The following NUDCD2 variants were observed in gnomAD, a reference collection of about 807,000 sequenced individuals.
NUDCD2 encodes the protein nudC domain-containing protein 2.
NUDCD2 carries 16 observed loss-of-function variants against 20.8 expected under a neutral mutation model. That is an observed-to-expected ratio of 0.77 (90% CI 0.52 to 1.17). The LOEUF is 1.17. Ranked by LOEUF, NUDCD2 falls within the 50% of genes most tolerant of loss-of-function variation. The pLI is 0.00. For missense variants in NUDCD2, 199 were observed against 193.9 expected (o/e 1.03, Z -0.16); for synonymous variants, 87 against 72.8 (o/e 1.20, Z -1.00).
chr5:163,457,978 T>A (rs34450007), intron 1 of NUDCD2, among the ~76,000 whole-genome samples: 2 of 109,560 alleles, frequency 1.8e-5, no homozygotes, highest in South Asian at 6.3e-4. Flanking sequence ...AAAAATGTTG[T>A]CTTTTTTTTT....
Position 163,452,770 on chromosome 5 carries a change from T to A in NUDCD2, c.*1197A>T, listed in dbSNP as rs1431703469. ...AAGATGAATAACCTCAATCTAATCA[T>A]GAAGTATCAGACAGAACTCAAAATA... is the stretch of plus-strand genomic sequence containing the variant. On this transcript the variant is annotated 3_prime_UTR_variant, in exon 4 of 4. Coordinates refer to ENST00000302764, the MANE Select transcript of NUDCD2 (RefSeq NM_145266.6). 1 of 152,136 alleles carries A rather than the reference T, an allele frequency of 6.6e-6. No homozygotes were observed. Among genetic ancestry groups the A allele is most frequent in the East Asian group, 1.9e-4 (1 of 5,196 alleles). 9.4% of individuals were successfully genotyped at this position (152,136 alleles called of 1,614,324 possible).
intron 2 of NUDCD2, 31 bp from the exon 3 acceptor site, chr5:163,457,111 C>A: frequency 6.5e-7 from 1 of 1,534,380 alleles, no homozygotes; most frequent in Admixed American, 2.1e-5. Context: ...CACACACGCA[C>A]AAATAAATTA....
chr5:163,459,854 GC>G lies in NUDCD2; in HGVS notation c.189+7del, dbSNP rs142257791. On this transcript the variant is annotated splice_region_variant and intron_variant, in intron 1 of 3. Coordinates refer to ENST00000302764, the MANE Select transcript of NUDCD2 (RefSeq NM_145266.6). Reference sequence around the variant, plus strand: ...GGAAACTGAACACAAGCCCCGAGCTGCCGCTACCTTGAGGATCTCGCGGCCG... The same window carrying G: ...GGAAACTGAACACAAGCCCCGAGCTGCGCTACCTTGAGGATCTCGCGGCCG... 181 of 1,591,990 alleles carry G rather than the reference GC, an allele frequency of 1.1e-4. No individual in the cohort carries two copies. In the African/African-American group the frequency reaches 2.4e-3, roughly 21 times the overall value.
In NUDCD2 at chr5:163,460,000, C is replaced by CGT; in HGVS notation, c.50_51insAC (p.Trp18ArgfsTer55). ...CCAAGGTCTGGTACCACTGGCCCCACGGGGTCCCGCACGGTACCACCCCAC... is the reference window on the plus strand; with the variant it reads ...CCAAGGTCTGGTACCACTGGCCCCACGTGGGGTCCCGCACGGTACCACCCCAC... On this transcript the variant is annotated frameshift_variant, in exon 1 of 4. Coordinates refer to ENST00000302764, the MANE Select transcript of NUDCD2 (RefSeq NM_145266.6). LOFTEE classifies it high-confidence loss of function. The CGT allele has an allele frequency of 6.2e-7, 1 of 1,612,986 alleles. No individual in the cohort carries two copies. Among genetic ancestry groups the CGT allele is most frequent in the Non-Finnish European group, 8.5e-7 (1 of 1,179,532 alleles).
chr5:163,452,529 A>AATAATGAGTTTATAG lies in NUDCD2; in HGVS notation c.*1423_*1437dup, dbSNP rs773410819. On this transcript the variant is annotated 3_prime_UTR_variant, in exon 4 of 4. Coordinates refer to ENST00000302764, the MANE Select transcript of NUDCD2 (RefSeq NM_145266.6). Reference sequence around the variant, plus strand: ...TTTTAACCTGCTGAATAAAATAGAAAATAATGAGTTTATAGAGATACGATA... The same window carrying AATAATGAGTTTATAG: ...TTTTAACCTGCTGAATAAAATAGAAAATAATGAGTTTATAGATAATGAGTTTATAGAGATACGATA... The AATAATGAGTTTATAG allele has an allele frequency of 5.8e-4, 88 of 152,180 alleles. No individual in the cohort carries two copies. The highest frequency in any genetic ancestry group is 9.8e-4 in the Non-Finnish European group (67 of 68,038). 9.4% of individuals were successfully genotyped at this position (152,180 alleles called of 1,614,324 possible).
rs556405875 is a variant in NUDCD2 at position 163,453,490 on chromosome 5, C to T, written c.*477G>A. ...ATTAACTCTTAATTTACTTAAAATA[C>T]ATTTATGGACTTTTTCCTTTATTAA... On this transcript the variant is annotated 3_prime_UTR_variant, in exon 4 of 4. Transcript: ENST00000302764. The T allele has an allele frequency of 6.6e-6, 1 of 152,652 alleles. No individual in the cohort carries two copies. The highest frequency in any genetic ancestry group is 2.1e-4 in the South Asian group (1 of 4,822). The allele number at this position is 152,652 out of a possible 1,614,324, so 9.5% of individuals were successfully genotyped here. A position where few individuals can be genotyped will look rare whatever the true frequency, so the allele number is the denominator to read the frequency against.
At chr5:163,459,839 C>A in intron 1 of NUDCD2, 23 bp downstream of exon 1, 1 of 1,577,236 alleles carries the variant, frequency 6.3e-7, no homozygotes, top group Non-Finnish European at 8.6e-7. Flanking sequence ...GGAAACTGAA[C>A]ACAAGCCCCG....
chr5:163,454,266 T>C (rs889075149), intron 3 of NUDCD2, among the ~76,000 whole-genome samples: 1 of 152,236 alleles, frequency 6.6e-6, no homozygotes, highest in African/African-American at 2.4e-5. Flanking sequence ...CACTACAATG[T>C]TGGCAAGTGT....
At chr5:163,457,139 GTTT>G (rs34746227) in intron 2 of NUDCD2, 59 bp from the exon 3 acceptor site, 64 of 1,208,250 alleles carry the variant, frequency 5.3e-5, no homozygotes, top group Admixed American at 1.5e-4. Context: ...TCATCAAGTT[GTTT>G]TTTTTTTTTT....
chr5:163,459,747 C>T (rs946660383), intron 1 of NUDCD2, 115 bp downstream of exon 1: 8 of 900,886 alleles, frequency 8.9e-6, no homozygotes, highest in Non-Finnish European at 1.3e-5. Flanking sequence ...GTGTTATCCT[C>T]TTTCTCTTTC....
chr5:163,453,009 T>C lies in NUDCD2; in HGVS notation c.*958A>G, dbSNP rs1421218981. On this transcript the variant is annotated 3_prime_UTR_variant, in exon 4 of 4. Coordinates refer to ENST00000302764, the MANE Select transcript of NUDCD2 (RefSeq NM_145266.6). ...AGATCTGAGGATTAGAGGGTAGTAA[T>C]GTGTCAACGTAAATTTCCTGATTCT... is the stretch of plus-strand genomic sequence containing the variant. 6.6e-6 allele frequency: 1 copy of C among 152,148 alleles called. No individual in the cohort carries two copies. Among genetic ancestry groups the C allele is most frequent in the African/African-American group, 2.4e-5 (1 of 41,428 alleles). 9.4% of individuals were successfully genotyped at this position (152,148 alleles called of 1,614,324 possible).
At position 163,453,903 on chromosome 5, in the gene NUDCD2, A is replaced by C; in HGVS notation, c.*64T>G. On this transcript the variant is annotated 3_prime_UTR_variant, in exon 4 of 4. Coordinates refer to ENST00000302764, the MANE Select transcript of NUDCD2 (RefSeq NM_145266.6). ...ATCCGCATTTTTCTTCCATTACATAATCTGTTTATCTGATTAAGTTGGCAA... is the reference window on the plus strand; with the variant it reads ...ATCCGCATTTTTCTTCCATTACATACTCTGTTTATCTGATTAAGTTGGCAA... 1.2e-6 allele frequency: 1 copy of C among 823,900 alleles called. No homozygotes were observed. Among genetic ancestry groups the C allele is most frequent in the South Asian group, 2.4e-5 (1 of 42,302 alleles). The allele number at this position is 823,900 out of a possible 1,614,324, so 51.0% of individuals were successfully genotyped here.
chr5:163,456,737 T>C (rs2113423135), intron 3 of NUDCD2, among the ~76,000 whole-genome samples, 192 bp downstream of exon 3: 1 of 152,286 alleles, frequency 6.6e-6, no homozygotes, highest in Middle Eastern at 3.4e-3. Context: ...TACAAATAAA[T>C]TCCTCTCAAG....
Position 163,449,760 on chromosome 5 carries a change from A to G in NUDCD2, c.*4207T>C, listed in dbSNP as rs1758129465. The G allele has an allele frequency of 6.6e-6, 1 of 152,350 alleles. No individual in the cohort carries two copies. The highest frequency in any genetic ancestry group is 1.9e-4 in the East Asian group (1 of 5,190). 9.4% of individuals were successfully genotyped at this position (152,350 alleles called of 1,614,324 possible). On this transcript the variant is annotated 3_prime_UTR_variant, in exon 4 of 4. Transcript: ENST00000302764. ...GAATAAAGTCCAAAACCAGACTCAC[A>G]TAAATAGCAATTGATTTCTGACAAA... is the stretch of plus-strand genomic sequence containing the variant.
At chr5:163,455,868 G>C (rs926572942) in intron 3 of NUDCD2, among the ~76,000 whole-genome samples, 1 of 152,184 alleles carries the variant, frequency 6.6e-6, no homozygotes. Context: ...GATCAGAATG[G>C]TGGTAGAGTT....
chr5:163,459,644 G>C lies in NUDCD2; in HGVS notation c.189+218C>G, dbSNP rs561737626. 1.4e-3 allele frequency: 556 copies of C among 405,954 alleles called. 3 individuals are homozygous for C. Among genetic ancestry groups the C allele is most frequent in the African/African-American group, 0.011 (512 of 48,170 alleles). 25.1% of individuals were successfully genotyped at this position (405,954 alleles called of 1,614,324 possible). ...GAAGCAGAAGCAGCAGTCTTAGTTT[G>C]AAAACTAAACACGAAAATAGGCTCC... is the stretch of plus-strand genomic sequence containing the variant. On this transcript the variant is annotated intron_variant, in intron 1 of 3. Transcript: ENST00000302764.
In NUDCD2 at chr5:163,453,871, T is replaced by C; in HGVS notation, c.*96A>G. On this transcript the variant is annotated 3_prime_UTR_variant, in exon 4 of 4. Transcript: ENST00000302764. ...AAGATACATTTTGCAATCTGTTAAC[T>C]GTAGGCATCCGCATTTTTCTTCCAT... 1 of 559,238 alleles carries C rather than the reference T, an allele frequency of 1.8e-6. No homozygotes were observed. The highest frequency in any genetic ancestry group is 3.1e-6 in the Non-Finnish European group (1 of 319,718). The allele number at this position is 559,238 out of a possible 1,614,324, so 34.6% of individuals were successfully genotyped here.
chr5:163,451,200 T>C lies in NUDCD2; in HGVS notation c.*2767A>G, dbSNP rs1008891945. On this transcript the variant is annotated 3_prime_UTR_variant, in exon 4 of 4. Transcript: ENST00000302764. Reference sequence around the variant, plus strand: ...GATGAAAACATTCTAAAATTGATTATTGGAATGGTTGCATTTATCTGTGTA... The same window carrying C: ...GATGAAAACATTCTAAAATTGATTACTGGAATGGTTGCATTTATCTGTGTA... 12 of 152,234 alleles carry C rather than the reference T, an allele frequency of 7.9e-5. No individual in the cohort carries two copies. Among genetic ancestry groups the C allele is most frequent in the African/African-American group, 2.9e-4 (12 of 41,458 alleles). The allele number at this position is 152,234 out of a possible 1,614,324, so 9.4% of individuals were successfully genotyped here.
intron 3 of NUDCD2, among the ~76,000 whole-genome samples, chr5:163,454,663 C>G (rs1423402053): frequency 6.6e-6 from 1 of 152,108 alleles, no homozygotes; most frequent in South Asian, 2.1e-4. Context: ...TTTTTGAGAG[C>G]TTTCTATATG....
Sources: allele counts gnomAD v4.1 joint callset (sites outside exome capture counted in the v4.1 genomes callset), GRCh38; gene constraint gnomAD v4.1.1; transcripts MANE v1.5; gene names NCBI Gene and HGNC (gene_info 2026-07-23, HGNC 2026-07-21).